SPG7: variants seen among roughly 807,000 people sequenced by gnomAD.
SPG7 encodes SPG7 matrix AAA peptidase subunit, paraplegin, also known as mitochondrial inner membrane m-AAA protease component paraplegin.
Under a neutral mutation model 81.9 loss-of-function variants are expected in SPG7, and 103 were observed. The observed-to-expected ratio is 1.26, with a 90% CI of 1.07 to 1.48. SPG7 has a LOEUF of 1.48. SPG7 is among the 40% of genes most tolerant of loss of function. The pLI, the probability that SPG7 is intolerant of heterozygous loss-of-function variation, is 0.00. For missense variants in SPG7, 1,241 were observed against 1,087.3 expected (o/e 1.14, Z -1.99); for synonymous variants, 534 against 444.2 (o/e 1.20, Z -2.54).
intron 3 of SPG7, 148 bp downstream of exon 3, chr16:89,513,185 G>T: frequency 8.5e-7 from 1 of 1,182,438 alleles, no homozygotes; most frequent in South Asian, 1.3e-5. Context: ...CGCTTTGGGA[G>T]GCCCAGGTGG....
intron 5 of SPG7, 143 bp downstream of exon 5, chr16:89,526,611 A>C (rs932213439): frequency 1.2e-6 from 1 of 862,510 alleles, no homozygotes; most frequent in African/African-American, 1.7e-5. Context: ...TAAATATAGA[A>C]GTGAATGATA....
chr16:89,544,239 A>G (rs1597653372), intron 9 of SPG7: 1 of 302,258 alleles, frequency 3.3e-6, no homozygotes, highest in African/African-American at 2.2e-5. Flanking sequence ...GACGTTGAAG[A>G]TAAAATGTTT....
intron 11 of SPG7, chr16:89,547,152 A>G: frequency 3.9e-6 from 1 of 258,530 alleles, no homozygotes; most frequent in Non-Finnish European, 7.7e-6. Flanking sequence ...AATAGAAATC[A>G]TACCTCAAGA....
At chr16:89,551,063 C>T in intron 13 of SPG7, 1 of 239,614 alleles carries the variant, frequency 4.2e-6, no homozygotes, top group South Asian at 5.3e-5. Context: ...ACTGTCTCTA[C>T]TTCAAACAAA....
chr16:89,536,226 TCTCTGGTGCTGTGTGGCCTTCAGTGTGGC>T (rs2058413915), intron 9 of SPG7, among the ~76,000 whole-genome samples: 2 of 126,166 alleles, frequency 1.6e-5, no homozygotes, highest in African/African-American at 6.0e-5. Context: ...CAGTGTGGCC[TCTCTGGTGCTGTGTGGCCTTCAGTGTGGC>T]CTCTGGTGCT....
intron 3 of SPG7, among the ~76,000 whole-genome samples, chr16:89,515,432 C>T (rs1194583746): frequency 6.6e-6 from 1 of 150,658 alleles, no homozygotes; most frequent in Non-Finnish European, 1.5e-5. Flanking sequence ...CCATGCCCAG[C>T]TAATTTTTGT....
chr16:89,548,156 C>A (rs1170707050), intron 12 of SPG7, 43 bp downstream of exon 12: 2 of 1,373,116 alleles, frequency 1.5e-6, no homozygotes, highest in East Asian at 2.3e-5. Context: ...CTTAGCAGGG[C>A]TTGAACCCCA....
Position 89,541,801 on chromosome 16 carries a change from C to T in SPG7, c.1325-2847C>T, listed in dbSNP as rs549808009. 3.8e-4 allele frequency: 58 copies of T among 152,358 alleles called. 1 individual carries two copies. The highest frequency in any genetic ancestry group is 1.3e-3 in the African/African-American group (56 of 41,572). 9.4% of individuals were successfully genotyped at this position (152,358 alleles called of 1,614,324 possible). ...TCCCAGAAAGTCCGTATCCTGAAAC[C>T]GCATGTCCCTGACACATAGCTGCCC... On this transcript the variant is annotated intron_variant, in intron 9 of 16. Transcript: ENST00000645818.
At chr16:89,528,636 T>A (rs2058301010) in intron 5 of SPG7, 1 of 146,476 alleles carries the variant, frequency 6.8e-6, no homozygotes, top group Non-Finnish European at 1.5e-5. Flanking sequence ...AGTCAGGGTC[T>A]CACTCTGTCG....
intron 16 of SPG7, chr16:89,555,555 T>G: frequency 4.3e-6 from 1 of 230,848 alleles, no homozygotes; most frequent in African/African-American, 2.3e-5. Context: ...CCAGTGTCCT[T>G]TCCGGTCTTG....
At chr16:89,517,554 A>G (rs923416143) in intron 3 of SPG7, 1 of 150,324 alleles carries the variant, frequency 6.7e-6, no homozygotes, top group African/African-American at 2.4e-5. Flanking sequence ...GCATCTGCTT[A>G]TGGATGAGGC....
intron 9 of SPG7, chr16:89,537,809 T>C: frequency 1.0e-6 from 1 of 983,122 alleles, no homozygotes; most frequent in African/African-American, 1.7e-5. Flanking sequence ...GGGGTCCTGG[T>C]CCTGGTCCCA....
intron 3 of SPG7, 200 bp from the exon 4 acceptor site, chr16:89,523,806 G>A (rs1567905878): frequency 2.7e-6 from 2 of 739,598 alleles, no homozygotes; most frequent in Non-Finnish European, 4.7e-6. Context: ...CTCAGCGAAT[G>A]AAGTGTGGGT....
intron 16 of SPG7, chr16:89,556,509 C>T (rs749067861): frequency 9.1e-6 from 3 of 331,448 alleles, no homozygotes; most frequent in Non-Finnish European, 1.7e-5. Context: ...GGTCCCAGCT[C>T]ACACAACTTC....
At chr16:89,524,304 G>A (rs1168558476) in intron 4 of SPG7, 57 bp downstream of exon 4, 5 of 1,566,230 alleles carry the variant, frequency 3.2e-6, no homozygotes, top group African/African-American at 1.4e-5. Flanking sequence ...CTGGCAGCCT[G>A]TGAGAGTGAG....
chr16:89,545,294 A>C (rs998445887), intron 10 of SPG7: 12 of 236,306 alleles, frequency 5.1e-5, no homozygotes, highest in Non-Finnish European at 6.8e-5. Context: ...TGGACGTTAC[A>C]CTTCCTGGCC....
chr16:89,531,831 G>T (rs2058346411), intron 7 of SPG7, 73 bp from the exon 8 acceptor site: 1 of 1,518,028 alleles, frequency 6.6e-7, no homozygotes, highest in African/African-American at 1.4e-5. Context: ...GTGACCCAGA[G>T]AGACCTTACC....
rs6500431 is a variant in SPG7, at chr16:89,556,366, G to A, written c.2182-521G>A. 5.7e-3 allele frequency: 1,790 copies of A among 311,826 alleles called. 31 individuals carry two copies. Among genetic ancestry groups the A allele is most frequent in the African/African-American group, 0.036 (1,677 of 46,598 alleles). The allele number at this position is 311,826 out of a possible 1,614,324, so 19.3% of individuals were successfully genotyped here. A position where few individuals can be genotyped will look rare whatever the true frequency, so the allele number is the denominator to read the frequency against. On this transcript the variant is annotated intron_variant, in intron 16 of 16. Transcript: ENST00000645818. The stretch of plus-strand genomic sequence containing the variant: ...GCCTTCACAGAAACCAGTGAAATGT[G>A]GCTGTGGCAGTGTTTTCTGTGGTCT...
chr16:89,509,517 G>T (rs567421208), intron 1 of SPG7, among the ~76,000 whole-genome samples: 1 of 152,162 alleles, frequency 6.6e-6, no homozygotes, highest in Non-Finnish European at 1.5e-5. Context: ...CCAAAGTGCT[G>T]GGATTACAGG....
Sources: gnomAD v4.1 joint callset for allele counts (sites outside exome capture counted in the v4.1 genomes callset) on GRCh38, gnomAD v4.1.1 for gene constraint, MANE v1.5 for transcripts, NCBI Gene and HGNC (gene_info 2026-07-23, HGNC 2026-07-21) for gene names.